Variants in CTNNA3 observed in about 807,000 individuals in gnomAD.
The protein encoded by CTNNA3 is catenin alpha 3.
Under a neutral mutation model 95.7 loss-of-function variants are expected in CTNNA3, and 76 were observed. That is an observed-to-expected ratio of 0.79 (90% CI 0.66 to 0.96). The LOEUF (loss-of-function observed/expected upper bound fraction) is 0.96. CTNNA3 is among the 40% of genes least tolerant of loss of function. The pLI is 0.00. For synonymous variants in CTNNA3, 431 were observed against 374.4 expected (o/e 1.15, Z -1.74); for missense variants, 1,191 against 1,089.8 (o/e 1.09, Z -1.31).
At chr10:66,812,954 G>A (rs1841940354) in intron 7 of CTNNA3, among the ~76,000 whole-genome samples, 1 of 151,918 alleles carries the variant, frequency 6.6e-6, no homozygotes, top group South Asian at 2.1e-4. Context: ...CTATTTTGTT[G>A]AAACCCAAGC....
chr10:66,421,897 G>GATGTATATATAT, intron 11 of CTNNA3, among the ~76,000 whole-genome samples: 1 of 108,164 alleles, frequency 9.2e-6, no homozygotes, highest in African/African-American at 3.5e-5. Context: ...TAATAAATGT[G>GATGTATATATAT]ATATATATAT....
chr10:66,974,092 C>T (rs2132842687), intron 7 of CTNNA3, among the ~76,000 whole-genome samples: 1 of 152,262 alleles, frequency 6.6e-6, no homozygotes, highest in Middle Eastern at 3.4e-3. Flanking sequence ...TCTCTGTAGT[C>T]AGTCTTCTTA....
intron 5 of CTNNA3, among the ~76,000 whole-genome samples, chr10:67,248,440 G>A (rs1187943439): frequency 1.3e-5 from 2 of 152,106 alleles, no homozygotes; most frequent in African/African-American, 4.8e-5. Flanking sequence ...TTTTGAGACA[G>A]GATCTCGCTT....
chr10:67,695,278 T>C (rs1840941763), intron 1 of CTNNA3, among the ~76,000 whole-genome samples: 1 of 152,254 alleles, frequency 6.6e-6, no homozygotes, highest in African/African-American at 2.4e-5. Context: ...AACTTTCTGA[T>C]GTCTAACCCC....
intron 11 of CTNNA3, among the ~76,000 whole-genome samples, chr10:66,384,913 A>G (rs1225769730): frequency 6.6e-6 from 1 of 152,228 alleles, no homozygotes. Flanking sequence ...GACACAACAT[A>G]CCAGAATCTC....
chr10:66,111,267 C>T (rs1202491949), intron 13 of CTNNA3, among the ~76,000 whole-genome samples: 1 of 152,150 alleles, frequency 6.6e-6, no homozygotes, highest in Non-Finnish European at 1.5e-5. Context: ...TGCCTGCTTC[C>T]CCTTCACCTT....
intron 7 of CTNNA3, among the ~76,000 whole-genome samples, chr10:67,109,007 T>C (rs1435660417): frequency 2.0e-5 from 3 of 151,980 alleles, no homozygotes; most frequent in Non-Finnish European, 4.4e-5. Flanking sequence ...CTGTCAGAAG[T>C]TTTCTGTTTT....
At chr10:66,894,549 T>C (rs1845399973) in intron 7 of CTNNA3, among the ~76,000 whole-genome samples, 1 of 152,104 alleles carries the variant, frequency 6.6e-6, no homozygotes, top group Non-Finnish European at 1.5e-5. Flanking sequence ...AAGGGCAACT[T>C]AATATAGTAT....
intron 7 of CTNNA3, among the ~76,000 whole-genome samples, chr10:67,047,527 T>C (rs1854829549): frequency 6.6e-6 from 1 of 152,120 alleles, no homozygotes; most frequent in Non-Finnish European, 1.5e-5. Context: ...GGCAGAAACA[T>C]GTGTGCTTCT....
At chr10:67,609,058 C>A (rs1329350590) in intron 2 of CTNNA3, among the ~76,000 whole-genome samples, 1 of 144,560 alleles carries the variant, frequency 6.9e-6, no homozygotes, top group Non-Finnish European at 1.5e-5. Context: ...CCATTGCACT[C>A]CAGCCTGGGC....
chr10:66,181,195 G>A (rs971973732), intron 13 of CTNNA3, among the ~76,000 whole-genome samples: 3 of 152,076 alleles, frequency 2.0e-5, no homozygotes, highest in African/African-American at 7.2e-5. Context: ...TTAAAAGAAA[G>A]TAACCGTTGT....
chr10:66,377,028 G>A (rs185910049), intron 12 of CTNNA3, among the ~76,000 whole-genome samples: 2 of 152,064 alleles, frequency 1.3e-5, no homozygotes, highest in African/African-American at 2.4e-5. Flanking sequence ...GATCTAATTA[G>A]TTTTCTCATC....
chr10:67,595,133 A>G (rs1466966956), intron 3 of CTNNA3, among the ~76,000 whole-genome samples: 1 of 152,166 alleles, frequency 6.6e-6, no homozygotes, highest in Non-Finnish European at 1.5e-5. Context: ...TCTCAATTTT[A>G]TTCAGTTCAG....
At chr10:66,949,449 T>A (rs1489255942) in intron 7 of CTNNA3, among the ~76,000 whole-genome samples, 1 of 151,996 alleles carries the variant, frequency 6.6e-6, no homozygotes, top group Non-Finnish European at 1.5e-5. Context: ...TCCCAGCTAC[T>A]TGGGAGGCTG....
intron 13 of CTNNA3, among the ~76,000 whole-genome samples, chr10:66,199,779 ATATATATATATATATATATATATATAT>A (rs1432438665): frequency 1.3e-4 from 1 of 7,572 alleles, no homozygotes; most frequent in Non-Finnish European, 2.6e-4. Context: ...ATATATATAT[ATATATATATATATATATATATATATAT>A]TTTTTTTTTT....
At chr10:67,676,098 A>G (rs1840530001) in intron 1 of CTNNA3, among the ~76,000 whole-genome samples, 1 of 152,236 alleles carries the variant, frequency 6.6e-6, no homozygotes, top group African/African-American at 2.4e-5. Context: ...AAAAATATTT[A>G]CCCAAGGATG....
chr10:66,224,459 A>G (rs549313930), intron 13 of CTNNA3, among the ~76,000 whole-genome samples: 3 of 152,292 alleles, frequency 2.0e-5, no homozygotes, highest in East Asian at 1.9e-4. Flanking sequence ...ATAATATTAT[A>G]TTGCTTGTCA....
chr10:66,520,612 C>T lies in CTNNA3; in HGVS notation c.1531+5G>A, dbSNP rs1841027107. The T allele has an allele frequency of 1.9e-6, 3 of 1,589,774 alleles. No homozygotes were observed. Among genetic ancestry groups the T allele is most frequent in the African/African-American group, 1.4e-5 (1 of 73,346 alleles). ...AATAAACAAATTAAAAGAATAAAAA[C>T]ATACCAGATACAGCAAGGAAGTCAT... On this transcript the variant is annotated splice_donor_5th_base_variant and intron_variant, in intron 11 of 17. Coordinates refer to ENST00000433211, the MANE Select transcript of CTNNA3 (RefSeq NM_013266.4).
chr10:66,925,394 C>G (rs564501689), intron 7 of CTNNA3, among the ~76,000 whole-genome samples: 4 of 152,244 alleles, frequency 2.6e-5, no homozygotes, highest in Non-Finnish European at 4.4e-5. Flanking sequence ...TCTCTTGATT[C>G]GTATCCTAAC....
Sources: gnomAD v4.1 joint callset for allele counts (sites outside exome capture counted in the v4.1 genomes callset) on GRCh38, gnomAD v4.1.1 for gene constraint, MANE v1.5 for transcripts, NCBI Gene and HGNC (gene_info 2026-07-23, HGNC 2026-07-21) for gene names.